Variants in PPP6R3 observed in about 807,000 individuals in gnomAD.
PPP6R3 encodes the protein serine/threonine-protein phosphatase 6 regulatory subunit 3.
Under a neutral mutation model 110.7 loss-of-function variants are expected in PPP6R3, and 38 were observed. The ratio of observed to expected loss-of-function variants is 0.34; its 90% CI spans 0.26 to 0.45. PPP6R3 has a LOEUF of 0.45. Among genes scored for constraint, PPP6R3 ranks in the 20% least tolerant of loss-of-function variants. PPP6R3 has a pLI of 1.00. For synonymous variants in PPP6R3, 369 were observed against 373.5 expected, an observed-to-expected ratio of 0.99 and a Z score of 0.14; for missense variants, 870 against 1,062.4, an observed-to-expected ratio of 0.82 and a Z score of 2.52.
In PPP6R3 at chr11:68,543,806, G is replaced by A. The variant is rs139713540; in HGVS notation, c.228-1032G>A. Among the ~76,000 whole-genome samples the A allele has an allele frequency of 5.9e-5, 9 of 152,288 alleles. No individual in the cohort carries two copies. The East Asian group carries it at 1.2e-3, about 20-fold the overall frequency. ...AGAGTATCGTCTGGATAGGCTCAAC[G>A]TCTCTGTTGTTGCTAGTGAAAACAG... On this transcript the variant is annotated intron_variant, in intron 3 of 23. Transcript: ENST00000393800.
At chr11:68,481,010 A>G (rs980151212) in intron 1 of PPP6R3, among the ~76,000 whole-genome samples, 2 of 152,200 alleles carry the variant, frequency 1.3e-5, no homozygotes, top group African/African-American at 4.8e-5. Context: ...AGCCAAGTAC[A>G]GAACATTAAA....
chr11:68,538,419 C>T (rs1178268284), intron 3 of PPP6R3, among the ~76,000 whole-genome samples: 1 of 152,186 alleles, frequency 6.6e-6, no homozygotes, highest in Admixed American at 6.5e-5. Context: ...CACTGTAACA[C>T]TTTTTCTACA....
intron 2 of PPP6R3, among the ~76,000 whole-genome samples, chr11:68,520,692 C>A (rs965226585): frequency 6.6e-6 from 1 of 152,210 alleles, no homozygotes; most frequent in African/African-American, 2.4e-5. Context: ...CCTCAATATT[C>A]TTCCGGATGA....
intron 9 of PPP6R3, 55 bp downstream of exon 9, chr11:68,564,487 C>A: frequency 6.3e-7 from 1 of 1,589,550 alleles, no homozygotes; most frequent in South Asian, 1.1e-5. Context: ...TTGAAACAGT[C>A]ATTCGAATGT....
intron 1 of PPP6R3, among the ~76,000 whole-genome samples, chr11:68,496,182 CT>C (rs200004744): frequency 0.25 from 35,587 of 144,016 alleles, 4,333 homozygotes; most frequent in Middle Eastern, 0.34. Flanking sequence ...CTTTTCTTTT[CT>C]TTTTTTTTTT....
chr11:68,496,074 T>A (rs1373970351), intron 1 of PPP6R3, among the ~76,000 whole-genome samples: 3 of 151,946 alleles, frequency 2.0e-5, no homozygotes, highest in South Asian at 4.1e-4. Flanking sequence ...ATGATAGCCT[T>A]GACCTCCTGG....
At position 68,476,793 on chromosome 11, in the gene PPP6R3, C is replaced by A. The variant is rs1286833516; in HGVS notation, c.-158+15966C>A. ...TTCCCAGCACTTTGGAAAACCTAGG[C>A]AGGAGGATGCTTGAGCCCAGGAGTT... is the stretch of plus-strand genomic sequence containing the variant. On this transcript the variant is annotated intron_variant, in intron 1 of 23. Transcript: ENST00000393800. Among the ~76,000 whole-genome samples, 3 of 152,018 alleles carry A rather than the reference C, an allele frequency of 2.0e-5. No individual in the cohort carries two copies. The East Asian group carries it at 5.8e-4, about 29-fold the overall frequency.
At chr11:68,603,673 C>CT (rs1198454627) in intron 22 of PPP6R3, 181 bp downstream of exon 22, 1 of 718,480 alleles carries the variant, frequency 1.4e-6, no homozygotes, top group African/African-American at 1.8e-5. Flanking sequence ...GTTTAGGCCC[C>CT]TAAGTGCCTT....
chr11:68,530,576 C>T (rs1359089086), intron 2 of PPP6R3, among the ~76,000 whole-genome samples: 4 of 152,160 alleles, frequency 2.6e-5, no homozygotes, highest in East Asian at 3.8e-4. Context: ...ATATTCACTT[C>T]GGTGTTGCTA....
Position 68,596,041 on chromosome 11 carries a change from G to A in PPP6R3, c.1917-56G>A, listed in dbSNP as rs1469364402. On this transcript the variant is annotated intron_variant, in intron 18 of 23. Coordinates refer to ENST00000393800, the MANE Select transcript of PPP6R3 (RefSeq NM_001164161.2). The stretch of plus-strand genomic sequence containing the variant: ...GCTGGATGACTGTTAGAATTTTCTG[G>A]ATTTAGCTGGTGGCTGATAAGCAGT... The A allele has an allele frequency of 1.9e-6, 3 of 1,606,858 alleles. No individual in the cohort carries two copies. In the East Asian group the frequency reaches 6.7e-5, roughly 36 times the overall value.
chr11:68,469,858 C>T (rs987432646), intron 1 of PPP6R3, among the ~76,000 whole-genome samples: 22 of 152,198 alleles, frequency 1.4e-4, no homozygotes, highest in African/African-American at 5.3e-4. Context: ...TTCCCTCTTT[C>T]TGACCTCCCC....
chr11:68,483,699 C>A (rs1173855002), intron 1 of PPP6R3, among the ~76,000 whole-genome samples: 2 of 152,214 alleles, frequency 1.3e-5, no homozygotes, highest in African/African-American at 4.8e-5. Context: ...CCAGGCTGGT[C>A]TCAAACTCCT....
chr11:68,477,741 A>AATATATATATATAT (rs1179617745), intron 1 of PPP6R3, among the ~76,000 whole-genome samples: 63 of 57,888 alleles, frequency 1.1e-3, no homozygotes, highest in South Asian at 2.4e-3. Flanking sequence ...AAAAAAAAAA[A>AATATATATATATAT]ATATATATAT....
chr11:68,572,615 T>C (rs1031221190), intron 12 of PPP6R3, among the ~76,000 whole-genome samples: 3 of 152,052 alleles, frequency 2.0e-5, no homozygotes, highest in African/African-American at 7.2e-5. Flanking sequence ...TTTGGGAGGC[T>C]GAGATGGGAG....
intron 2 of PPP6R3, among the ~76,000 whole-genome samples, chr11:68,523,573 A>G (rs2099175384): frequency 6.6e-6 from 1 of 151,472 alleles, no homozygotes; most frequent in South Asian, 2.1e-4. Context: ...CTCTGCTACC[A>G]TGGAACTACA....
intron 1 of PPP6R3, among the ~76,000 whole-genome samples, chr11:68,510,455 C>T (rs573570382): frequency 6.6e-6 from 1 of 152,124 alleles, no homozygotes; most frequent in East Asian, 1.9e-4. Flanking sequence ...CTGTCTCAGC[C>T]TCTCGAGTAG....
At chr11:68,515,280 G>A (rs1264389588) in intron 1 of PPP6R3, 1 of 154,344 alleles carries the variant, frequency 6.5e-6, no homozygotes, top group African/African-American at 2.4e-5. Flanking sequence ...GAGGCAAAAG[G>A]ACACATACTT....
intron 7 of PPP6R3, among the ~76,000 whole-genome samples, chr11:68,557,014 C>T (rs532329106): frequency 6.6e-6 from 1 of 152,356 alleles, no homozygotes; most frequent in Non-Finnish European, 1.5e-5. Context: ...AGTGACAGTG[C>T]CCTCTGATGA....
intron 16 of PPP6R3, among the ~76,000 whole-genome samples, chr11:68,589,223 C>CAAT (rs897584081): frequency 2.5e-4 from 38 of 151,922 alleles, no homozygotes; most frequent in East Asian, 1.9e-3. Context: ...ATAACAATAA[C>CAAT]AATAATAATA....
Sources: gnomAD v4.1 joint callset for allele counts (sites outside exome capture counted in the v4.1 genomes callset) on GRCh38, gnomAD v4.1.1 for gene constraint, MANE v1.5 for transcripts, NCBI Gene and HGNC (gene_info 2026-07-23, HGNC 2026-07-21) for gene names.